AUTS2: variants seen among roughly 807,000 people sequenced by gnomAD.
The protein encoded by AUTS2 is autism susceptibility gene 2 protein.
Under a neutral mutation model 112.4 loss-of-function variants are expected in AUTS2, and 17 were observed. That is an observed-to-expected ratio of 0.15 (90% CI 0.10 to 0.23). The LOEUF is 0.23. AUTS2 is among the 10% of genes least tolerant of loss of function. The probability of loss-of-function intolerance (pLI) is 1.00; values close to 1 mark genes in which losing one functional copy is unlikely to be tolerated. For synonymous variants in AUTS2, 751 were observed against 702.7 expected (o/e 1.07, Z -1.09); for missense variants, 1,510 against 1,701.6 (o/e 0.89, Z 1.98).
chr7:69,815,602 C>T (rs1400968291), intron 1 of AUTS2, among the ~76,000 whole-genome samples: 1 of 152,102 alleles, frequency 6.6e-6, no homozygotes, highest in African/African-American at 2.4e-5. Context: ...GCAACCTCCG[C>T]CTCCCAGGTT....
At chr7:70,683,095 G>C (rs980576833) in intron 5 of AUTS2, among the ~76,000 whole-genome samples, 7 of 152,196 alleles carry the variant, frequency 4.6e-5, no homozygotes, top group Non-Finnish European at 8.8e-5. Context: ...TGCACATACA[G>C]AATTATTTGG....
intron 4 of AUTS2, among the ~76,000 whole-genome samples, chr7:70,384,017 A>G (rs1384754108): frequency 6.6e-6 from 1 of 152,244 alleles, no homozygotes; most frequent in African/African-American, 2.4e-5. Flanking sequence ...AGCCTATGCT[A>G]GTCCATTAGG....
chr7:70,656,407 G>T (rs2129542280), intron 5 of AUTS2, among the ~76,000 whole-genome samples: 1 of 151,650 alleles, frequency 6.6e-6, no homozygotes, highest in East Asian at 1.9e-4. Context: ...GGCTCTTATT[G>T]TCTTTTTTTT....
intron 6 of AUTS2, among the ~76,000 whole-genome samples, chr7:70,712,764 T>C (rs1437657394): frequency 6.6e-6 from 1 of 152,144 alleles, no homozygotes; most frequent in Non-Finnish European, 1.5e-5. Flanking sequence ...GCACAGGGAA[T>C]AGGTCTAGGT....
At chr7:69,795,583 C>T (rs1286729995) in intron 1 of AUTS2, among the ~76,000 whole-genome samples, 1 of 152,006 alleles carries the variant, frequency 6.6e-6, no homozygotes, top group Non-Finnish European at 1.5e-5. Context: ...GTTAGGAGGC[C>T]ATCTTAATAG....
chr7:69,757,852 C>T (rs1788004544), intron 1 of AUTS2, among the ~76,000 whole-genome samples: 1 of 152,030 alleles, frequency 6.6e-6, no homozygotes, highest in Non-Finnish European at 1.5e-5. Flanking sequence ...ATGTGCAATA[C>T]AAAAAAAGAT....
intron 1 of AUTS2, among the ~76,000 whole-genome samples, chr7:69,702,359 G>A (rs1215589547): frequency 2.0e-5 from 3 of 152,190 alleles, no homozygotes; most frequent in Admixed American, 1.3e-4. Context: ...AGGAGAAAAG[G>A]CAGAGGCAGG....
At chr7:69,634,075 G>T (rs1048331671) in intron 1 of AUTS2, among the ~76,000 whole-genome samples, 2 of 151,136 alleles carry the variant, frequency 1.3e-5, no homozygotes, top group Non-Finnish European at 2.9e-5. Flanking sequence ...ATTGTTTCTC[G>T]TTAGTTAGTG....
chr7:69,688,941 A>G (rs1797177950), intron 1 of AUTS2, among the ~76,000 whole-genome samples: 1 of 152,208 alleles, frequency 6.6e-6, no homozygotes, highest in Non-Finnish European at 1.5e-5. Flanking sequence ...TAGGAGTTTA[A>G]AGGATTGAGA....
chr7:69,910,259 C>A (rs917480515), intron 2 of AUTS2, among the ~76,000 whole-genome samples: 2 of 152,216 alleles, frequency 1.3e-5, no homozygotes, highest in Admixed American at 1.3e-4. Flanking sequence ...TCCTCTGTGG[C>A]AGGGGTACCT....
At chr7:70,305,924 C>A (rs1016432142) in intron 4 of AUTS2, among the ~76,000 whole-genome samples, 2 of 151,206 alleles carry the variant, frequency 1.3e-5, no homozygotes, top group Non-Finnish European at 2.9e-5. Context: ...GAATGCTAAT[C>A]AAGTAATGAA....
intron 4 of AUTS2, among the ~76,000 whole-genome samples, chr7:70,431,005 T>A (rs1313044867): frequency 6.6e-6 from 1 of 151,810 alleles, no homozygotes. Context: ...CCAGCTAATT[T>A]TTTTTGTATT....
chr7:70,081,387 TAAAAAA>T (rs57155688), intron 2 of AUTS2, among the ~76,000 whole-genome samples: 1 of 88,950 alleles, frequency 1.1e-5, no homozygotes, highest in Non-Finnish European at 2.2e-5. Context: ...CCCGTCTCTA[TAAAAAA>T]AAAAAAAAAA....
At chr7:69,837,473 T>A (rs997194838) in intron 1 of AUTS2, among the ~76,000 whole-genome samples, 2 of 152,104 alleles carry the variant, frequency 1.3e-5, no homozygotes, top group African/African-American at 4.8e-5. Context: ...CCCAAAATGA[T>A]TCCAGCTGCT....
intron 2 of AUTS2, among the ~76,000 whole-genome samples, chr7:69,977,088 A>G (rs541768309): frequency 1.3e-5 from 2 of 152,234 alleles, no homozygotes; most frequent in South Asian, 2.1e-4. Flanking sequence ...TATGTCTTAC[A>G]TTTAGGTCTT....
At chr7:69,634,955 C>T (rs1375543097) in intron 1 of AUTS2, among the ~76,000 whole-genome samples, 2 of 151,786 alleles carry the variant, frequency 1.3e-5, no homozygotes, top group African/African-American at 4.8e-5. Flanking sequence ...GCAAAATGTT[C>T]TAAGTAAATC....
chr7:70,184,928 C>CTATTCATGCTAATTAT (rs1809519343), intron 4 of AUTS2, among the ~76,000 whole-genome samples: 1 of 152,140 alleles, frequency 6.6e-6, no homozygotes, highest in Non-Finnish European at 1.5e-5. Context: ...TACAGCATAA[C>CTATTCATGCTAATTAT]TATTCATGCT....
intron 2 of AUTS2, among the ~76,000 whole-genome samples, chr7:70,102,746 GT>G (rs927512356): frequency 9.9e-5 from 15 of 151,680 alleles, no homozygotes; most frequent in Non-Finnish European, 1.3e-4. Flanking sequence ...GTTGATTATA[GT>G]TTTTTTTCCA....
intron 5 of AUTS2, among the ~76,000 whole-genome samples, chr7:70,635,173 T>A (rs757118236): frequency 1.3e-5 from 2 of 152,204 alleles, no homozygotes; most frequent in African/African-American, 2.4e-5. Flanking sequence ...TGCTGCAGGC[T>A]AGCCAGGCAT....
Sources: allele counts gnomAD v4.1 joint callset (sites outside exome capture counted in the v4.1 genomes callset), GRCh38; gene constraint gnomAD v4.1.1; transcripts MANE v1.5; gene names NCBI Gene and HGNC (gene_info 2026-07-23, HGNC 2026-07-21).